The following RRP1 variants were observed in gnomAD, a reference collection of about 807,000 sequenced individuals.
RRP1 encodes ribosomal RNA processing protein 1 homolog A.
RRP1 carries 37 observed loss-of-function variants against 54.6 expected under a neutral mutation model. The ratio of observed to expected loss-of-function variants is 0.68; its 90% confidence interval spans 0.52 to 0.89. The LOEUF (loss-of-function observed/expected upper bound fraction) is 0.89. Among genes scored for constraint, RRP1 ranks in the 40% least tolerant of loss-of-function variants. The probability of loss-of-function intolerance (pLI) is 0.00; values close to 1 mark genes in which losing one functional copy is unlikely to be tolerated. For missense variants in RRP1, 639 were observed against 612.5 expected (o/e 1.04, Z -0.46); for synonymous variants, 262 against 244.3 (o/e 1.07, Z -0.67).
chr21:43,789,757 C>T lies in RRP1; in HGVS notation c.128C>T (p.Ala43Val). ...RKYIVARTQR[A>V]AGGFTHDELL... ...TACATCGTCGCCAGGACTCAGCGGG[C>T]CGCAGGTTGGCGGGGGTGTGGGCGG... Residue 43 changes from alanine (A) to valine (V), a missense_variant, in exon 1 of 13, where the codon GCC becomes GTC. Ala to Val is a moderately conservative substitution (Grantham distance 64). Transcript: ENST00000497547. 4 of 1,517,984 alleles carry T rather than the reference C, an allele frequency of 2.6e-6. No homozygotes were observed. The highest frequency in any genetic ancestry group is 3.5e-6 in the Non-Finnish European group (4 of 1,131,468). 94.0% of individuals were successfully genotyped at this position (1,517,984 alleles called of 1,614,324 possible). A position where few individuals can be genotyped will look rare whatever the true frequency, so the allele number is the denominator to read the frequency against.
At chr21:43,791,326 C>T (rs772624743) in intron 1 of RRP1, 24 bp from the exon 2 acceptor site, 7 of 1,612,462 alleles carry the variant, frequency 4.3e-6, no homozygotes, top group Non-Finnish European at 5.1e-6. Flanking sequence ...TTCATTTGGT[C>T]CAACCGTTGC....
rs1418474250 is a variant in RRP1 at position 43,805,117 on chromosome 21, AAAT to A, written c.*1345_*1347del. On this transcript the variant is annotated 3_prime_UTR_variant, in exon 13 of 13. Coordinates refer to ENST00000497547, the MANE Select transcript of RRP1 (RefSeq NM_003683.6). ...ACATGGAGAAACCCCATCTCTACTA[AAAT>A]ACAAAATTAGCCAGGCGTGGTGGCA... The A allele has an allele frequency of 6.6e-6, 1 of 152,170 alleles. No homozygotes were observed. The highest frequency in any genetic ancestry group is 1.5e-5 in the Non-Finnish European group (1 of 68,096). The allele number at this position is 152,170 out of a possible 1,614,324, so 9.4% of individuals were successfully genotyped here. A position where few individuals can be genotyped will look rare whatever the true frequency, so the allele number is the denominator to read the frequency against.
chr21:43,800,721 G>C, intron 10 of RRP1, 107 bp downstream of exon 10: 1 of 1,507,946 alleles, frequency 6.6e-7, no homozygotes, highest in Non-Finnish European at 9.1e-7. Flanking sequence ...CAGCCCCCGG[G>C]GTGATCCCCG....
At position 43,804,386 on chromosome 21, in the gene RRP1, TC is replaced by T. The variant is rs1461504604; in HGVS notation, c.*614del. ...GACCTGGCTTCCGCGAGAGCCTTGT[TC>T]CTGGAGGCAGGAGCGCCCCGCCATC... On this transcript the variant is annotated 3_prime_UTR_variant, in exon 13 of 13. Coordinates refer to ENST00000497547, the MANE Select transcript of RRP1 (RefSeq NM_003683.6). The surrounding 1 kb of genome is among the most constrained non-coding windows in gnomAD (Gnocchi z 4.3). 2 of 152,454 alleles carry T rather than the reference TC, an allele frequency of 1.3e-5. No individual in the cohort carries two copies. The highest frequency in any genetic ancestry group is 4.8e-5 in the African/African-American group (2 of 41,566). The allele number at this position is 152,454 out of a possible 1,614,324, so 9.4% of individuals were successfully genotyped here.
chr21:43,799,492 C>G, intron 8 of RRP1, 78 bp from the exon 9 acceptor site: 1 of 1,436,804 alleles, frequency 7.0e-7, no homozygotes, highest in Non-Finnish European at 9.6e-7. Flanking sequence ...GTGCACGGAG[C>G]GGGCTCTCCA....
Position 43,804,062 on chromosome 21 carries a change from G to C in RRP1, c.*288G>C. On this transcript the variant is annotated 3_prime_UTR_variant, in exon 13 of 13. Transcript: ENST00000497547. The surrounding 1 kb of genome is among the most constrained non-coding windows in gnomAD (Gnocchi z 4.3). ...AGCAGGACTGGCCGCCCCTGCTGTG[G>C]GGGGTTCAGAAAATAAAATGCCGCG... 1 of 392,816 alleles carries C rather than the reference G, an allele frequency of 2.5e-6. No individual in the cohort carries two copies. Among genetic ancestry groups the C allele is most frequent in the Non-Finnish European group, 4.5e-6 (1 of 222,684 alleles). 24.3% of individuals were successfully genotyped at this position (392,816 alleles called of 1,614,324 possible).
chr21:43,793,492 G>A (rs1263700351), intron 4 of RRP1, 88 bp downstream of exon 4: 1 of 1,103,968 alleles, frequency 9.1e-7, no homozygotes, highest in Non-Finnish European at 1.3e-6. Context: ...TGGGCAGGGA[G>A]GCAACCTGAG....
Position 43,797,464 on chromosome 21 carries a change from G to T in RRP1, c.465G>T (p.Leu155=). The change falls in exon 6 of 13, where the codon CTG becomes CTT. Residue 155 remains leucine, a synonymous_variant. Transcript: ENST00000497547. ...ELLELLMTEI[L]HPSSQAPNGV... is the part of the protein sequence containing the mutation. ...TAGAGCTGCTGATGACTGAGATCCTGCACCCCAGCAGCCAGGCCCCCAACG... is the reference window on the plus strand; with the variant it reads ...TAGAGCTGCTGATGACTGAGATCCTTCACCCCAGCAGCCAGGCCCCCAACG... 2 of 1,613,560 alleles carry T rather than the reference G, an allele frequency of 1.2e-6. No homozygotes were observed. Among genetic ancestry groups the T allele is most frequent in the Non-Finnish European group, 1.7e-6 (2 of 1,179,970 alleles).
rs2085119182 is a variant in RRP1, at chr21:43,803,944, C to G, written c.*170C>G. On this transcript the variant is annotated 3_prime_UTR_variant, in exon 13 of 13. Transcript: ENST00000497547. ...TGGGCCCATCATTAGGGGCCAGCATCCCAGGAACTGGACCTTTCCCCAGAG... is the reference window on the plus strand; with the variant it reads ...TGGGCCCATCATTAGGGGCCAGCATGCCAGGAACTGGACCTTTCCCCAGAG... 2.5e-6 allele frequency: 2 copies of G among 815,880 alleles called. No individual in the cohort carries two copies. The highest frequency in any genetic ancestry group is 4.6e-5 in the South Asian group (2 of 43,682). 50.5% of individuals were successfully genotyped at this position (815,880 alleles called of 1,614,324 possible). A position where few individuals can be genotyped will look rare whatever the true frequency, so the allele number is the denominator to read the frequency against.
chr21:43,793,770 T>C lies in RRP1; in HGVS notation c.360+366T>C, dbSNP rs187390686. ...GAGGAGCTGCGGTCACGCCCTAGCA[T>C]GAGCCCTGGAGTGCTTAGCCTGCGA... On this transcript the variant is annotated intron_variant, in intron 4 of 12. Coordinates refer to ENST00000497547, the MANE Select transcript of RRP1 (RefSeq NM_003683.6). Among the ~76,000 whole-genome samples the C allele has an allele frequency of 2.0e-5, 3 of 152,322 alleles. No homozygotes were observed. In the East Asian group the frequency reaches 5.8e-4, roughly 29 times the overall value.
chr21:43,791,457 G>A (rs1288551325), intron 2 of RRP1, 25 bp downstream of exon 2: 1 of 1,609,786 alleles, frequency 6.2e-7, no homozygotes, highest in Non-Finnish European at 8.5e-7. Flanking sequence ...CAGCAGAGCA[G>A]GTACAGAAGC....
rs1463391171 is a variant in RRP1, at chr21:43,795,222, G to T, written c.394G>T (p.Val132Phe). The change falls in exon 5 of 13, where the codon GTT (valine) becomes TTT (phenylalanine). Residue 132 changes from valine (V) to phenylalanine (F), a missense_variant. Physicochemically the swap from Val to Phe is conservative, Grantham distance 50 (BLOSUM62 -1). Transcript: ENST00000497547. The part of the protein sequence containing the change: ...MRMVLNESLK[V>F]LKMQGWEERQ... ...GATGGTCCTGAACGAGTCCTTGAAG[G>T]TTCTGAAGATGCAAGGCTGGGAAGA... is the stretch of plus-strand genomic sequence containing the variant. 3 of 1,613,998 alleles carry T rather than the reference G, an allele frequency of 1.9e-6. No homozygotes were observed. Among genetic ancestry groups the T allele is most frequent in the South Asian group, 1.1e-5 (1 of 91,072 alleles).
Position 43,792,665 on chromosome 21 carries a change from T to C in RRP1, c.217-7T>C. 1 of 1,614,184 alleles carries C rather than the reference T, an allele frequency of 6.2e-7. No individual in the cohort carries two copies. The highest frequency in any genetic ancestry group is 8.5e-7 in the Non-Finnish European group (1 of 1,180,008). ...GGCTGAGGGCGTTTTTGTTGTTTCC[T>C]ACACAGGAAGAATTAGGAAGGACTA... On this transcript the variant is annotated splice_region_variant and splice_polypyrimidine_tract_variant and intron_variant, in intron 2 of 12. Transcript: ENST00000497547.
At position 43,791,132 on chromosome 21, in the gene RRP1, G is replaced by A. The variant is rs564683130; in HGVS notation, c.134-218G>A. The stretch of plus-strand genomic sequence containing the variant: ...GATCTCAGTCGGTTTTACTGTGTGC[G>A]TGAAGTAGCAGTTACCTGGAGTAGC... On this transcript the variant is annotated intron_variant, in intron 1 of 12. Coordinates refer to ENST00000497547, the MANE Select transcript of RRP1 (RefSeq NM_003683.6). 202 of 625,410 alleles carry A rather than the reference G, an allele frequency of 3.2e-4. 4 individuals carry two copies. Among genetic ancestry groups the A allele is most frequent in the South Asian group, 2.9e-3 (189 of 65,346 alleles). 38.7% of individuals were successfully genotyped at this position (625,410 alleles called of 1,614,324 possible).
Position 43,802,370 on chromosome 21 carries a change from G to C in RRP1, c.1106G>C (p.Arg369Thr), listed in dbSNP as rs748871129. 2 of 1,613,884 alleles carry C rather than the reference G, an allele frequency of 1.2e-6. No homozygotes were observed. Among genetic ancestry groups the C allele is most frequent in the Non-Finnish European group, 1.7e-6 (2 of 1,179,900 alleles). ...KKTKKQKRLL[R>T]LQQERGKGEK... The stretch of plus-strand genomic sequence containing the variant: ...ACGAAGAAGCAGAAGCGTCTGCTCA[G>C]GTTGCAGCAGGAGAGAGGTAGGACT... Residue 369 changes from arginine (R) to threonine (T), a missense_variant, in exon 12 of 13, where the codon AGG becomes ACG. Coordinates refer to ENST00000497547, the MANE Select transcript of RRP1 (RefSeq NM_003683.6).
chr21:43,800,189 G>A (rs532117900), intron 9 of RRP1, among the ~76,000 whole-genome samples: 4 of 152,346 alleles, frequency 2.6e-5, no homozygotes, highest in South Asian at 4.1e-4. Context: ...TATGTTGTTC[G>A]TGCTTGTCTG....
intron 10 of RRP1, 22 bp from the exon 11 acceptor site, chr21:43,800,840 G>A (rs1420413323): frequency 1.9e-6 from 3 of 1,613,334 alleles, no homozygotes. Flanking sequence ...GTGGTAAGTG[G>A]GTATCTGTCT....
intron 3 of RRP1, chr21:43,793,003 T>C: frequency 1.8e-6 from 1 of 560,562 alleles, no homozygotes; most frequent in Non-Finnish European, 3.1e-6. Context: ...CAGGATAATG[T>C]CACCAAGAGA....
intron 8 of RRP1, among the ~76,000 whole-genome samples, chr21:43,798,681 C>A (rs1188591869): frequency 1.3e-5 from 2 of 151,982 alleles, no homozygotes; most frequent in Admixed American, 1.3e-4. Context: ...CTCACCTGCC[C>A]CTCACTGCCT....
Sources: allele counts gnomAD v4.1 joint callset (sites outside exome capture counted in the v4.1 genomes callset), GRCh38; gene constraint gnomAD v4.1.1; non-coding constraint Gnocchi (gnomAD v3.1); transcripts MANE v1.5; gene names NCBI Gene and HGNC (gene_info 2026-07-23, HGNC 2026-07-21).